Variants in EXOC4 observed in about 807,000 individuals in gnomAD.
EXOC4 encodes exocyst complex component 4.
EXOC4 carries 71 observed loss-of-function variants against 107.2 expected under a neutral mutation model. The observed-to-expected ratio is 0.66, with a 90% CI of 0.55 to 0.81. The LOEUF (loss-of-function observed/expected upper bound fraction) is 0.81. EXOC4 is among the 30% of genes least tolerant of loss of function. The probability of loss-of-function intolerance (pLI) is 0.00; values close to 1 mark genes in which losing one functional copy is unlikely to be tolerated. For missense variants in EXOC4, 1,108 were observed against 1,189.6 expected (o/e 0.93, Z 1.01); for synonymous variants, 456 against 441.2 (o/e 1.03, Z -0.42).
chr7:133,911,594 A>T (rs760099801), intron 12 of EXOC4, among the ~76,000 whole-genome samples: 1 of 152,218 alleles, frequency 6.6e-6, no homozygotes, highest in Non-Finnish European at 1.5e-5. Flanking sequence ...GAATTAATCC[A>T]GTCCTTTAAA....
intron 11 of EXOC4, among the ~76,000 whole-genome samples, chr7:133,832,374 A>G (rs1267575445): frequency 1.3e-5 from 2 of 152,228 alleles, no homozygotes; most frequent in African/African-American, 2.4e-5. Flanking sequence ...AGTTTTGACA[A>G]TGCAAAATGT....
At chr7:133,777,720 C>G (rs1262549683) in intron 10 of EXOC4, among the ~76,000 whole-genome samples, 1 of 152,212 alleles carries the variant, frequency 6.6e-6, no homozygotes, top group Non-Finnish European at 1.5e-5. Flanking sequence ...GAGCAAGTCG[C>G]TAAACCTCTC....
chr7:133,611,558 T>C (rs1460952768), intron 9 of EXOC4, among the ~76,000 whole-genome samples: 2 of 152,152 alleles, frequency 1.3e-5, no homozygotes, highest in East Asian at 3.9e-4. Context: ...CTGGTCTGCC[T>C]ACCTCCCTTC....
intron 10 of EXOC4, among the ~76,000 whole-genome samples, chr7:133,729,233 G>C (rs1480172022): frequency 6.6e-6 from 1 of 152,168 alleles, no homozygotes; most frequent in Non-Finnish European, 1.5e-5. Context: ...CAAGTTGTGA[G>C]AAGAAATGTG....
chr7:133,639,796 A>G (rs2151023542), intron 10 of EXOC4, among the ~76,000 whole-genome samples: 1 of 152,218 alleles, frequency 6.6e-6, no homozygotes, highest in African/African-American at 2.4e-5. Flanking sequence ...AATTTTGACA[A>G]TTGCTATTTT....
intron 10 of EXOC4, among the ~76,000 whole-genome samples, chr7:133,806,994 G>A (rs1206713532): frequency 2.6e-5 from 4 of 152,100 alleles, no homozygotes; most frequent in African/African-American, 7.2e-5. Context: ...AAATACGGTC[G>A]GCCCTCATAT....
At chr7:133,633,657 G>A (rs28407246) in intron 10 of EXOC4, among the ~76,000 whole-genome samples, 3,206 of 151,772 alleles carry the variant, frequency 0.021, 120 homozygotes, top group African/African-American at 0.074. Context: ...GGCGGAGGTT[G>A]CAGTGAGCTG....
intron 14 of EXOC4, among the ~76,000 whole-genome samples, chr7:133,972,369 T>G (rs1250797050): frequency 6.6e-6 from 1 of 152,192 alleles, no homozygotes; most frequent in Non-Finnish European, 1.5e-5. Flanking sequence ...CAGAAAAATT[T>G]TTACCAATCC....
intron 3 of EXOC4, among the ~76,000 whole-genome samples, chr7:133,289,387 G>A (rs1458309885): frequency 6.6e-6 from 1 of 152,174 alleles, no homozygotes; most frequent in Admixed American, 6.5e-5. Context: ...GGTAATGAGA[G>A]GTGTTTTTTA....
In EXOC4 at chr7:134,049,412, C is replaced by G. The variant is rs1320964659; in HGVS notation, c.2688-14879C>G. The stretch of plus-strand genomic sequence containing the variant: ...TTCCCCTTCCTTGCTCTTCCCCACA[C>G]CCCATGCACTCCAGTGAGGAATAAA... On this transcript the variant is annotated intron_variant, in intron 17 of 17. Coordinates refer to ENST00000253861, the MANE Select transcript of EXOC4 (RefSeq NM_021807.4). Among the ~76,000 whole-genome samples, 3 of 152,218 alleles carry G rather than the reference C, an allele frequency of 2.0e-5. No individual in the cohort carries two copies. The East Asian group carries it at 5.8e-4, about 29-fold the overall frequency.
At chr7:133,485,095 AAAT>A (rs1316807264) in intron 9 of EXOC4, among the ~76,000 whole-genome samples, 2 of 147,478 alleles carry the variant, frequency 1.4e-5, no homozygotes, top group African/African-American at 2.5e-5. Flanking sequence ...ATAAATAAAT[AAAT>A]AAATAAATAA....
chr7:133,947,634 T>G (rs1800585592), intron 14 of EXOC4, among the ~76,000 whole-genome samples: 1 of 152,202 alleles, frequency 6.6e-6, no homozygotes, highest in South Asian at 2.1e-4. Context: ...CTGTGCTGAT[T>G]AGAAAGCAGT....
chr7:133,925,539 G>A (rs541606079), intron 13 of EXOC4, among the ~76,000 whole-genome samples: 1 of 152,202 alleles, frequency 6.6e-6, no homozygotes, highest in South Asian at 2.1e-4. Flanking sequence ...CAGGGAAGGA[G>A]CTAGGGAGGC....
At chr7:133,925,903 G>C (rs1056693672) in intron 13 of EXOC4, among the ~76,000 whole-genome samples, 1 of 151,984 alleles carries the variant, frequency 6.6e-6, no homozygotes, top group Non-Finnish European at 1.5e-5. Context: ...GCTGGGCATG[G>C]TTATACGTGC....
At chr7:133,912,646 T>C (rs1799721132) in intron 12 of EXOC4, among the ~76,000 whole-genome samples, 1 of 152,206 alleles carries the variant, frequency 6.6e-6, no homozygotes, top group Non-Finnish European at 1.5e-5. Context: ...TCAGTTCTTA[T>C]ATGCCTTCTA....
At chr7:133,559,706 A>G (rs1329464966) in intron 9 of EXOC4, among the ~76,000 whole-genome samples, 3 of 152,180 alleles carry the variant, frequency 2.0e-5, no homozygotes, top group African/African-American at 7.2e-5. Context: ...ATCAGGTTTC[A>G]TTCTCTTTCT....
chr7:133,949,330 G>A (rs1171378673), intron 14 of EXOC4, among the ~76,000 whole-genome samples: 1 of 152,166 alleles, frequency 6.6e-6, no homozygotes, highest in African/African-American at 2.4e-5. Flanking sequence ...TTAATTCTGT[G>A]TACTAACATC....
intron 9 of EXOC4, among the ~76,000 whole-genome samples, chr7:133,498,133 C>T (rs901866285): frequency 4.6e-5 from 7 of 152,074 alleles, no homozygotes; most frequent in Admixed American, 6.6e-5. Flanking sequence ...CTCCCAAGCC[C>T]GCTTTTCTTT....
At chr7:133,267,726 A>G (rs1793765641) in intron 1 of EXOC4, among the ~76,000 whole-genome samples, 1 of 152,210 alleles carries the variant, frequency 6.6e-6, no homozygotes, top group Non-Finnish European at 1.5e-5. Flanking sequence ...TGAATAAGTG[A>G]ATTAAATAGG....
Sources: gnomAD v4.1 joint callset for allele counts (sites outside exome capture counted in the v4.1 genomes callset) on GRCh38, gnomAD v4.1.1 for gene constraint, MANE v1.5 for transcripts, NCBI Gene and HGNC (gene_info 2026-07-23, HGNC 2026-07-21) for gene names.